DOCK1: variants seen among roughly 807,000 people sequenced by gnomAD.
DOCK1 encodes dedicator of cytokinesis 1, also known as dedicator of cytokinesis protein 1.
In DOCK1, 138 loss-of-function variants were observed where a neutral mutation model predicts 262.7. The observed-to-expected ratio is 0.53, with a 90% CI of 0.46 to 0.61. The LOEUF is 0.61. Ranked by LOEUF, DOCK1 falls within the 20% of genes least tolerant of loss-of-function variation. The pLI is 0.00. For missense variants in DOCK1, 1,908 were observed against 2,370.7 expected, an observed-to-expected ratio of 0.80 and a Z score of 4.05; for synonymous variants, 866 against 867.4, an observed-to-expected ratio of 1.00 and a Z score of 0.03.
chr10:127,041,603 A>G (rs377030375), intron 19 of DOCK1, among the ~76,000 whole-genome samples: 2 of 152,336 alleles, frequency 1.3e-5, no homozygotes, highest in Non-Finnish European at 2.9e-5. Flanking sequence ...CTCATATGGT[A>G]AATCTGTGTT....
intron 23 of DOCK1, among the ~76,000 whole-genome samples, chr10:127,105,819 C>T (rs1180131673): frequency 6.6e-6 from 1 of 152,170 alleles, no homozygotes; most frequent in East Asian, 1.9e-4. Context: ...GATTGCCATG[C>T]TGTGAACACG....
At chr10:127,117,127 G>GT (rs558688012) in intron 25 of DOCK1, among the ~76,000 whole-genome samples, 113 of 152,258 alleles carry the variant, frequency 7.4e-4, no homozygotes, top group African/African-American at 2.6e-3. Context: ...TCAATTTCAG[G>GT]TTTTTAATTG....
rs550706171 is a variant in DOCK1, at chr10:127,446,968, G to A, written c.5414-426G>A. On this transcript the variant is annotated intron_variant, in intron 50 of 51. Coordinates refer to ENST00000623213, the MANE Select transcript of DOCK1 (RefSeq NM_001290223.2). The surrounding 1 kb of genome is among the most constrained non-coding windows in gnomAD (Gnocchi z 4.4). ...GACTTTGCTTAGTGAATCTCTCCAG[G>A]TGATAACTGCAGGGGTGACTGCAGG... Among the ~76,000 whole-genome samples, 1 of 152,266 alleles carries A rather than the reference G, an allele frequency of 6.6e-6. No homozygotes were observed. Among genetic ancestry groups the A allele is most frequent in the East Asian group, 1.9e-4 (1 of 5,162 alleles).
At chr10:127,426,712 A>T (rs903410935) in intron 47 of DOCK1, among the ~76,000 whole-genome samples, 4 of 152,118 alleles carry the variant, frequency 2.6e-5, no homozygotes, top group African/African-American at 9.7e-5. Context: ...CAGAGCGGAG[A>T]TGGAAAGGCA....
chr10:127,010,423 C>T (rs113152317), intron 11 of DOCK1, among the ~76,000 whole-genome samples: 6 of 152,294 alleles, frequency 3.9e-5, no homozygotes, highest in African/African-American at 7.2e-5. Flanking sequence ...GCCAAGATCA[C>T]GCCACTGCAC....
chr10:127,345,542 T>C (rs2063593866), intron 31 of DOCK1, among the ~76,000 whole-genome samples: 1 of 152,222 alleles, frequency 6.6e-6, no homozygotes, highest in African/African-American at 2.4e-5. Flanking sequence ...CCTCCTCAGC[T>C]GGGTGATTCC....
chr10:126,949,580 G>A (rs1438782121), intron 1 of DOCK1, among the ~76,000 whole-genome samples: 1 of 152,062 alleles, frequency 6.6e-6, no homozygotes, highest in African/African-American at 2.4e-5. Context: ...GACATGGTTG[G>A]ATCTCTCTGT....
chr10:126,927,315 C>T (rs1055242298), intron 1 of DOCK1, among the ~76,000 whole-genome samples: 4 of 152,174 alleles, frequency 2.6e-5, no homozygotes, highest in African/African-American at 4.8e-5. Flanking sequence ...AACTGCCTTC[C>T]GTCCAGAGGG....
chr10:126,950,307 G>T (rs1442220204), intron 1 of DOCK1, among the ~76,000 whole-genome samples: 1 of 152,028 alleles, frequency 6.6e-6, no homozygotes, highest in Non-Finnish European at 1.5e-5. Flanking sequence ...TCTTACCTGG[G>T]ATCTTGGGTG....
chr10:127,442,975 C>T lies in DOCK1; in HGVS notation c.5260-1151C>T, dbSNP rs192195092. ...GTGTGGGGGAGGTCTGCTGTAACCA[C>T]ATGCTGGGCGGCTCCAACCCCAGAA... is the stretch of plus-strand genomic sequence containing the variant. On this transcript the variant is annotated intron_variant, in intron 49 of 51. Transcript: ENST00000623213. Among the ~76,000 whole-genome samples the T allele has an allele frequency of 1.6e-3, 249 of 152,376 alleles. 1 individual carries two copies. Among genetic ancestry groups the T allele is most frequent in the Non-Finnish European group, 2.8e-3 (192 of 68,034 alleles).
intron 47 of DOCK1, among the ~76,000 whole-genome samples, chr10:127,429,075 C>CGTGTGG (rs2069098467): frequency 1.3e-5 from 2 of 149,286 alleles, no homozygotes; most frequent in Non-Finnish European, 3.0e-5. Context: ...ATTGGGGTAC[C>CGTGTGG]ATGTGGATTG....
intron 29 of DOCK1, among the ~76,000 whole-genome samples, chr10:127,333,683 T>C (rs947335890): frequency 6.6e-6 from 1 of 152,210 alleles, no homozygotes; most frequent in Admixed American, 6.5e-5. Context: ...ACCTTCATGC[T>C]GCAGAGAGGC....
chr10:127,329,024 G>A (rs1451828512), intron 29 of DOCK1, among the ~76,000 whole-genome samples: 1 of 151,976 alleles, frequency 6.6e-6, no homozygotes, highest in African/African-American at 2.4e-5. Flanking sequence ...GTTTATAAGT[G>A]TATCATTCAA....
chr10:127,402,887 A>G (rs2134318460), intron 38 of DOCK1, among the ~76,000 whole-genome samples, 168 bp from the exon 39 acceptor site: 1 of 152,386 alleles, frequency 6.6e-6, no homozygotes, highest in South Asian at 2.1e-4. Flanking sequence ...TCACGAGCCA[A>G]AAGACATGAG....
intron 27 of DOCK1, among the ~76,000 whole-genome samples, chr10:127,188,749 A>G (rs553634858): frequency 1.3e-5 from 2 of 152,326 alleles, no homozygotes; most frequent in African/African-American, 4.8e-5. Flanking sequence ...AAAAGGTAAC[A>G]CTTGTGTATA....
chr10:126,937,317 A>G lies in DOCK1; in HGVS notation c.46+31754A>G, dbSNP rs1007903573. On this transcript the variant is annotated intron_variant, in intron 1 of 51. Coordinates refer to ENST00000623213, the MANE Select transcript of DOCK1 (RefSeq NM_001290223.2). ...ACATGGGTGTACAAATATCTCTTCA[A>G]GACCCTGATTTCACTTATTTTGAGT... Among the ~76,000 whole-genome samples the G allele has an allele frequency of 2.7e-4, 41 of 152,324 alleles. No individual in the cohort carries two copies. The East Asian group carries it at 7.7e-3, about 29-fold the overall frequency.
intron 1 of DOCK1, among the ~76,000 whole-genome samples, chr10:126,915,340 T>TA (rs1470916244): frequency 6.6e-6 from 1 of 151,942 alleles, no homozygotes; most frequent in African/African-American, 2.4e-5. Context: ...TTTTGCTACT[T>TA]ATGTCCTATA....
chr10:127,250,123 C>T (rs961740123), intron 28 of DOCK1, among the ~76,000 whole-genome samples: 5 of 152,180 alleles, frequency 3.3e-5, no homozygotes, highest in Admixed American at 2.6e-4. Context: ...TTGCAGATAA[C>T]GTTCCAGGTT....
intron 29 of DOCK1, among the ~76,000 whole-genome samples, chr10:127,282,841 A>G (rs561056871): frequency 6.6e-6 from 1 of 152,330 alleles, no homozygotes; most frequent in Non-Finnish European, 1.5e-5. Flanking sequence ...TTTTTCAAAA[A>G]ATGAAGAAGG....
Sources: gnomAD v4.1 joint callset for allele counts (sites outside exome capture counted in the v4.1 genomes callset) on GRCh38, gnomAD v4.1.1 for gene constraint, Gnocchi (gnomAD v3.1) non-coding constraint, MANE v1.5 for transcripts, NCBI Gene and HGNC (gene_info 2026-07-23, HGNC 2026-07-21) for gene names.